The following IDUA variants were observed in gnomAD, a reference collection of about 807,000 sequenced individuals.
IDUA encodes the protein iduronidase alpha-L-.
A neutral mutation model predicts 68.9 loss-of-function variants in IDUA; 65 were observed. The ratio of observed to expected loss-of-function variants is 0.94; its 90% CI spans 0.77 to 1.16. The LOEUF (loss-of-function observed/expected upper bound fraction) is 1.16. Ranked by LOEUF, IDUA falls within the 50% of genes most tolerant of loss-of-function variation. The pLI is 0.00. For missense variants in IDUA, 1,046 were observed against 938.0 expected, an observed-to-expected ratio of 1.12 and a Z score of -1.50; for synonymous variants, 529 against 433.6, an observed-to-expected ratio of 1.22 and a Z score of -2.73.
chr4:1,003,268 G>T, intron 10 of IDUA, 77 bp from the exon 11 acceptor site: 1 of 1,345,596 alleles, frequency 7.4e-7, no homozygotes, highest in Non-Finnish European at 9.5e-7. Context: ...GCGGTGGGCC[G>T]GGGGCGTTCG....
chr4:1,002,255 C>T lies in IDUA; in HGVS notation c.973-14C>T, dbSNP rs1038781540. ...GCCGCGCCACCCGGTCCCAGCTGCC[C>T]TGGACACCCGCAGGTCATCGCGCAG... is the stretch of plus-strand genomic sequence containing the variant. On this transcript the variant is annotated splice_polypyrimidine_tract_variant and intron_variant, in intron 7 of 13. Transcript: ENST00000514224. 2 of 1,606,290 alleles carry T rather than the reference C, an allele frequency of 1.2e-6. No individual in the cohort carries two copies. Among genetic ancestry groups the T allele is most frequent in the Non-Finnish European group, 8.5e-7 (1 of 1,176,822 alleles).
rs1258119057 is a variant in IDUA, at chr4:1,004,276, T to G, written c.1845T>G (p.Ser615=). ...FVFSPDTGAV[S]GSYRVRALDY... ...TGTCTCCAGACACAGGTGCTGTCTCTGGCTCCTACCGAGTTCGAGCCCTGG... is the reference window on the plus strand; with the variant it reads ...TGTCTCCAGACACAGGTGCTGTCTCGGGCTCCTACCGAGTTCGAGCCCTGG... The change falls in exon 14 of 14, where the codon TCT becomes TCG. Residue 615 remains serine (S), a synonymous_variant. Transcript: ENST00000514224. This position sits in a 1 kb window ranked among gnomAD's most constrained non-coding sequence, Gnocchi z 5.0. The G allele has an allele frequency of 6.2e-7, 1 of 1,610,420 alleles. No homozygotes were observed. Among genetic ancestry groups the G allele is most frequent in the South Asian group, 1.1e-5 (1 of 91,072 alleles).
chr4:999,059 G>A (rs563827467), intron 2 of IDUA, among the ~76,000 whole-genome samples: 2 of 152,190 alleles, frequency 1.3e-5, no homozygotes, highest in East Asian at 1.9e-4. Context: ...AAAAAAATTA[G>A]CCGGGCGTGG....
Position 988,882 on chromosome 4 carries a change from G to C in IDUA, c.299+933G>C, listed in dbSNP as rs767773010. 95 of 1,600,980 alleles carry C rather than the reference G, an allele frequency of 5.9e-5. No homozygotes were observed. The highest frequency in any genetic ancestry group is 7.5e-5 in the Non-Finnish European group (88 of 1,174,570). On this transcript the variant is annotated intron_variant, in intron 2 of 13. Transcript: ENST00000514224. ...CAGCTCCCTGTGGCGGGCTCGTGCT[G>C]TCTGCACGGCATCGTGCACACTGAG...
At position 991,564 on chromosome 4, in the gene IDUA, CG is replaced by C. The variant is rs1553915793; in HGVS notation, c.299+3617del. ...GGGGAGCAGGTCCTGCACCAGCGCC[CG>C]GACGCACAGCACACTGCACGAGCAG... On this transcript the variant is annotated intron_variant, in intron 2 of 13. Transcript: ENST00000514224. 3 of 1,603,326 alleles carry C rather than the reference CG, an allele frequency of 1.9e-6. No individual in the cohort carries two copies. The highest frequency in any genetic ancestry group is 1.7e-6 in the Non-Finnish European group (2 of 1,177,184).
intron 2 of IDUA, chr4:988,456 C>G: frequency 1.8e-6 from 2 of 1,102,176 alleles, no homozygotes; most frequent in South Asian, 3.2e-5. Context: ...CCGGGCAGGC[C>G]TGGGCATAGG....
At chr4:990,243 C>T (rs1276893520) in intron 2 of IDUA, 2 of 1,584,042 alleles carry the variant, frequency 1.3e-6, no homozygotes, top group Non-Finnish European at 1.7e-6. Flanking sequence ...TCCGCACGCC[C>T]AGCAGGTGTT....
At chr4:1,000,089 C>T in intron 2 of IDUA, 1 of 173,934 alleles carries the variant, frequency 5.7e-6, no homozygotes, top group Non-Finnish European at 1.2e-5. Context: ...AGGGCGGCCC[C>T]CTTCACCCTT....
At chr4:997,860 C>T (rs1317265602) in intron 2 of IDUA, among the ~76,000 whole-genome samples, 1 of 152,228 alleles carries the variant, frequency 6.6e-6, no homozygotes, top group Non-Finnish European at 1.5e-5. Flanking sequence ...CCAGATGACA[C>T]TCAGAGGCGC....
rs1340008059 is a variant in IDUA, at chr4:991,127, C to T, written c.299+3178C>T. Reference sequence around the variant, plus strand: ...CCCTGTGCCCAAGCAGGGCTCCTCACCTGGTAAAGCCCGGTCATCAGCGTG... The same window carrying T: ...CCCTGTGCCCAAGCAGGGCTCCTCATCTGGTAAAGCCCGGTCATCAGCGTG... On this transcript the variant is annotated intron_variant, in intron 2 of 13. Coordinates refer to ENST00000514224, the MANE Select transcript of IDUA (RefSeq NM_000203.5). 4 of 1,533,106 alleles carry T rather than the reference C, an allele frequency of 2.6e-6. No homozygotes were observed. In the East Asian group the frequency reaches 6.8e-5, roughly 26 times the overall value. The allele number at this position is 1,533,106 out of a possible 1,614,324, so 95.0% of individuals were successfully genotyped here.
chr4:992,199 G>C, intron 2 of IDUA: 1 of 459,638 alleles, frequency 2.2e-6, no homozygotes, highest in Non-Finnish European at 4.4e-6. Flanking sequence ...CCTGAGTCCA[G>C]CTGCTCCGTG....
At chr4:994,729 A>G (rs915678317) in intron 2 of IDUA, among the ~76,000 whole-genome samples, 3 of 151,356 alleles carry the variant, frequency 2.0e-5, no homozygotes, top group African/African-American at 7.3e-5. Flanking sequence ...GAGCCACTGC[A>G]CCCGGCCGCC....
rs749161317 is a variant in IDUA at position 989,383 on chromosome 4, G to A, written c.299+1434G>A. On this transcript the variant is annotated intron_variant, in intron 2 of 13. Transcript: ENST00000514224. ...CTCTGTGGCATCCTCGTAGAAGGCC[G>A]TGTCCCCGATGCGGGCCAGCAGGGC... is the stretch of plus-strand genomic sequence containing the variant. The A allele has an allele frequency of 1.3e-5, 20 of 1,575,420 alleles. No homozygotes were observed. The highest frequency in any genetic ancestry group is 1.8e-5 in the Admixed American group (1 of 54,220).
chr4:1,000,823 C>A, intron 3 of IDUA, 59 bp from the exon 4 acceptor site: 1 of 1,519,810 alleles, frequency 6.6e-7, no homozygotes, highest in Non-Finnish European at 9.1e-7. Flanking sequence ...GGAGCACAGG[C>A]CTGGCAGAGC....
At chr4:987,280 C>A in intron 1 of IDUA, 38 bp downstream of exon 1, 2 of 1,503,796 alleles carry the variant, frequency 1.3e-6, no homozygotes, top group Non-Finnish European at 1.8e-6. Context: ...CCTGGCCGCA[C>A]GGGGAGAGCT....
At chr4:987,761 C>T in intron 1 of IDUA, 48 bp from the exon 2 acceptor site, 1 of 1,609,910 alleles carries the variant, frequency 6.2e-7, no homozygotes. Context: ...AGCCGCGCTG[C>T]CAGCCATGCT....
At chr4:988,654 G>T in intron 2 of IDUA, 1 of 1,407,346 alleles carries the variant, frequency 7.1e-7, no homozygotes, top group African/African-American at 1.5e-5. Context: ...TTTGGGTCCT[G>T]CGTGTGATCA....
chr4:996,160 C>A (rs1714732849), intron 2 of IDUA, among the ~76,000 whole-genome samples: 1 of 152,220 alleles, frequency 6.6e-6, no homozygotes, highest in African/African-American at 2.4e-5. Context: ...CCCAGTGGTC[C>A]CTGGGAAGCA....
At chr4:995,361 A>G (rs1714685054) in intron 2 of IDUA, among the ~76,000 whole-genome samples, 1 of 152,138 alleles carries the variant, frequency 6.6e-6, no homozygotes, top group South Asian at 2.1e-4. Flanking sequence ...CTCAAAAAAA[A>G]AAAAAAAATT....
Sources: gnomAD v4.1 joint callset for allele counts (sites outside exome capture counted in the v4.1 genomes callset) on GRCh38, gnomAD v4.1.1 for gene constraint, Gnocchi (gnomAD v3.1) non-coding constraint, MANE v1.5 for transcripts, NCBI Gene and HGNC (gene_info 2026-07-23, HGNC 2026-07-21) for gene names.